ZFHX4: variants seen among roughly 807,000 people sequenced by gnomAD.
ZFHX4 encodes the protein zinc finger homeobox protein 4.
A neutral mutation model predicts 267.6 loss-of-function variants in ZFHX4; 56 were observed. The observed-to-expected ratio is 0.21, with a 90% CI of 0.17 to 0.26. The LOEUF (loss-of-function observed/expected upper bound fraction) is 0.26, where lower values mean the gene tolerates loss of function less well. ZFHX4 is among the 10% of genes least tolerant of loss of function. The probability of loss-of-function intolerance (pLI) is 1.00; values close to 1 mark genes in which losing one functional copy is unlikely to be tolerated. For synonymous variants in ZFHX4, 1,778 were observed against 1,665.6 expected (o/e 1.07, Z -1.64); for missense variants, 4,332 against 4,420.0 (o/e 0.98, Z 0.56).
intron 4 of ZFHX4, among the ~76,000 whole-genome samples, chr8:76,791,671 T>C (rs1810840874): frequency 6.6e-6 from 1 of 152,134 alleles, no homozygotes; most frequent in African/African-American, 2.4e-5. Context: ...AAACAGGATT[T>C]TAATCTCAGT....
In ZFHX4 at chr8:76,763,877, A is replaced by G. The variant is rs1012904866; in HGVS notation, c.3094-14331A>G. On this transcript the variant is annotated intron_variant, in intron 3 of 10. Transcript: ENST00000651372. ...TAGATTCTCTAGTTTAAAAGTTACC[A>G]TAAGTGCAATCCACCATTTAAAGAT... Among the ~76,000 whole-genome samples, 9 of 152,334 alleles carry G rather than the reference A, an allele frequency of 5.9e-5. No individual in the cohort carries two copies. In the South Asian group the frequency reaches 8.3e-4, roughly 14 times the overall value.
At chr8:76,800,273 G>C (rs1563529819) in intron 4 of ZFHX4, among the ~76,000 whole-genome samples, 1 of 152,142 alleles carries the variant, frequency 6.6e-6, no homozygotes, top group Non-Finnish European at 1.5e-5. Flanking sequence ...CGCCCTGTTT[G>C]ATAAGAGAAA....
chr8:76,762,028 T>G (rs578139292), intron 3 of ZFHX4, among the ~76,000 whole-genome samples: 6 of 152,218 alleles, frequency 3.9e-5, no homozygotes, highest in African/African-American at 1.4e-4. Context: ...TTTCTTGGAG[T>G]GGGTCTACTC....
chr8:76,840,773 G>A (rs1338533797), intron 5 of ZFHX4, among the ~76,000 whole-genome samples: 1 of 152,140 alleles, frequency 6.6e-6, no homozygotes, highest in Non-Finnish European at 1.5e-5. Flanking sequence ...AGCTGTCATA[G>A]GTCGCGAACT....
At chr8:76,725,278 T>G (rs572373236) in intron 3 of ZFHX4, among the ~76,000 whole-genome samples, 16 of 152,238 alleles carry the variant, frequency 1.1e-4, no homozygotes, top group Admixed American at 1.0e-3. Context: ...TCTGGAAAAG[T>G]TATCGTATTT....
chr8:76,707,587 C>A lies in ZFHX4; in HGVS notation c.2632C>A (p.Gln878Lys), dbSNP rs779768832. The A allele has an allele frequency of 1.6e-5, 26 of 1,597,844 alleles. No homozygotes were observed. In the South Asian group the frequency reaches 2.9e-4, roughly 18 times the overall value. The change falls in exon 3 of 11, where the codon CAG (glutamine) becomes AAG (lysine). Residue 878 changes from glutamine (Q) to lysine (K), a missense_variant. By Grantham distance (53) the Gln-to-Lys change is moderately conservative. Transcript: ENST00000651372. The stretch of plus-strand genomic sequence containing the variant: ...GCCTGAAATCCGGCTTGCCAGTGGT[C>A]AGCTAATGGGTGATGACCTGTCCCT... Reference protein sequence around the residue: ...LPPEIRLASGQLMGDDLSLLT... With the variant: ...LPPEIRLASGKLMGDDLSLLT...
At chr8:76,839,067 G>C (rs915635943) in intron 5 of ZFHX4, among the ~76,000 whole-genome samples, 1 of 127,018 alleles carries the variant, frequency 7.9e-6, no homozygotes, top group Admixed American at 7.3e-5. Flanking sequence ...GAGAGAGAGA[G>C]AGAGAGAGAG....
chr8:76,778,135 G>T, intron 3 of ZFHX4, 73 bp from the exon 4 acceptor site: 1 of 951,558 alleles, frequency 1.1e-6, no homozygotes, highest in Non-Finnish European at 1.7e-6. Flanking sequence ...TCATGCCATG[G>T]GTGGGTGTCA....
intron 4 of ZFHX4, among the ~76,000 whole-genome samples, chr8:76,789,157 C>T (rs1037325254): frequency 2.0e-5 from 3 of 152,088 alleles, no homozygotes; most frequent in Admixed American, 1.3e-4. Flanking sequence ...AGCAATTAAG[C>T]GTTTTGGCCA....
intron 4 of ZFHX4, among the ~76,000 whole-genome samples, chr8:76,779,676 A>G (rs1384247633): frequency 6.6e-6 from 1 of 152,146 alleles, no homozygotes; most frequent in Non-Finnish European, 1.5e-5. Context: ...ACTTGAAACT[A>G]TAATTTTTAT....
Position 76,854,366 on chromosome 8 carries a change from T to A in ZFHX4, c.7445T>A (p.Leu2482His). 1 of 1,613,802 alleles carries A rather than the reference T, an allele frequency of 6.2e-7. No homozygotes were observed. The highest frequency in any genetic ancestry group is 8.5e-7 in the Non-Finnish European group (1 of 1,179,848). The change falls in exon 10 of 11, where the codon CTC (leucine) becomes CAC (histidine). Residue 2482 changes from leucine to histidine, a missense_variant. By Grantham distance (99) the Leu-to-His change is moderately conservative (BLOSUM62 -3). Around this residue, in one of 7 missense-constraint regions of ZFHX4, gnomAD observed 1,648 missense variants for 1,625.0 expected, o/e 1.01. Coordinates refer to ENST00000651372, the MANE Select transcript of ZFHX4 (RefSeq NM_024721.5). ...SSPLQISMTS[L>H]QNSLPPQLLQ... is the part of the protein sequence containing the mutation. Reference sequence around the variant, plus strand: ...CCACTGCAAATTTCCATGACGTCTCTCCAGAACAGTCTACCTCCACAGTTA... The same window carrying A: ...CCACTGCAAATTTCCATGACGTCTCACCAGAACAGTCTACCTCCACAGTTA...
At chr8:76,738,242 G>C (rs1471239184) in intron 3 of ZFHX4, among the ~76,000 whole-genome samples, 1 of 152,146 alleles carries the variant, frequency 6.6e-6, no homozygotes, top group Non-Finnish European at 1.5e-5. Context: ...CCCCCATTAA[G>C]ATCCTGAGGC....
chr8:76,721,599 G>A (rs1193678338), intron 3 of ZFHX4, among the ~76,000 whole-genome samples: 1 of 152,106 alleles, frequency 6.6e-6, no homozygotes, highest in Non-Finnish European at 1.5e-5. Flanking sequence ...AGTTTGTAAG[G>A]ACATTTTTAG....
chr8:76,855,676 T>G lies in ZFHX4; in HGVS notation c.8755T>G (p.Phe2919Val). ...SPNPFGSSNP[F>V]KSKSNDRPGH... Reference sequence around the variant, plus strand: ...AAATCCATTCGGATCCAGCAATCCCTTTAAATCCAAAAGTAATGATCGGCC... The same window carrying G: ...AAATCCATTCGGATCCAGCAATCCCGTTAAATCCAAAAGTAATGATCGGCC... The change falls in exon 10 of 11, where the codon TTT becomes GTT. Residue 2919 changes from phenylalanine (F) to valine (V), a missense_variant. This residue lies in a region of ZFHX4 where 1,648 missense variants were observed against 1,625.0 expected (regional missense o/e 1.01). Coordinates refer to ENST00000651372, the MANE Select transcript of ZFHX4 (RefSeq NM_024721.5). 1 of 1,613,850 alleles carries G rather than the reference T, an allele frequency of 6.2e-7. No homozygotes were observed. The highest frequency in any genetic ancestry group is 8.5e-7 in the Non-Finnish European group (1 of 1,179,848).
At chr8:76,722,292 C>A (rs1388338584) in intron 3 of ZFHX4, among the ~76,000 whole-genome samples, 1 of 152,032 alleles carries the variant, frequency 6.6e-6, no homozygotes, top group African/African-American at 2.4e-5. Context: ...CTAAAAGATT[C>A]TCTGCATCAG....
intron 5 of ZFHX4, among the ~76,000 whole-genome samples, chr8:76,841,223 A>G (rs1174618089): frequency 2.0e-5 from 3 of 152,110 alleles, no homozygotes; most frequent in Admixed American, 1.3e-4. Context: ...AGAGTTTCCT[A>G]TTGAGCCCAG....
chr8:76,815,276 C>T (rs1811475573), intron 4 of ZFHX4, among the ~76,000 whole-genome samples: 1 of 152,132 alleles, frequency 6.6e-6, no homozygotes. Context: ...AAACTAAGCT[C>T]ACTGTCTTAG....
chr8:76,742,869 G>A (rs1301436254), intron 3 of ZFHX4, among the ~76,000 whole-genome samples: 1 of 152,058 alleles, frequency 6.6e-6, no homozygotes, highest in East Asian at 1.9e-4. Flanking sequence ...ACCTCCCGAG[G>A]TGTATTATCG....
intron 3 of ZFHX4, among the ~76,000 whole-genome samples, chr8:76,715,033 C>A (rs1379700093): frequency 6.6e-6 from 1 of 152,088 alleles, no homozygotes. Flanking sequence ...ACTTTTATTG[C>A]CCTATTGCAT....
Sources: allele counts gnomAD v4.1 joint callset (sites outside exome capture counted in the v4.1 genomes callset), GRCh38; gene constraint gnomAD v4.1.1; regional missense constraint gnomAD v4.1.1; transcripts MANE v1.5; gene names NCBI Gene and HGNC (gene_info 2026-07-23, HGNC 2026-07-21).